Variants in CNOT6L observed in about 807,000 individuals in gnomAD.
The protein encoded by CNOT6L is CCR4-NOT transcription complex subunit 6-like.
CNOT6L carries 7 observed loss-of-function variants against 64.0 expected under a neutral mutation model. The ratio of observed to expected loss-of-function variants is 0.11; its 90% confidence interval spans 0.06 to 0.21. The LOEUF (loss-of-function observed/expected upper bound fraction) is 0.21. CNOT6L is among the 10% of genes least tolerant of loss of function. The probability of loss-of-function intolerance (pLI) is 1.00; values close to 1 mark genes in which losing one functional copy is unlikely to be tolerated. For missense variants in CNOT6L, 245 were observed against 669.0 expected (o/e 0.37, Z 6.99); for synonymous variants, 193 against 243.4 (o/e 0.79, Z 1.93).
chr4:77,728,524 G>A (rs1379903762), intron 10 of CNOT6L, among the ~76,000 whole-genome samples: 1 of 152,142 alleles, frequency 6.6e-6, no homozygotes, highest in African/African-American at 2.4e-5. Flanking sequence ...CTATTATGTG[G>A]CCCTTTCCTA....
chr4:77,792,725 T>TAA (rs77060039), intron 1 of CNOT6L, among the ~76,000 whole-genome samples: 1,402 of 124,046 alleles, frequency 0.011, 17 homozygotes, highest in Admixed American at 0.014. Context: ...GACTCTGCCT[T>TAA]AAAAAAAAAA....
intron 9 of CNOT6L, among the ~76,000 whole-genome samples, chr4:77,729,575 T>C (rs555505050): frequency 1.8e-4 from 27 of 152,278 alleles, no homozygotes; most frequent in African/African-American, 6.3e-4. Context: ...ATTCACACCA[T>C]ATACCGAAAT....
chr4:77,744,602 AAAC>A, intron 7 of CNOT6L, 113 bp downstream of exon 7: 2 of 856,036 alleles, frequency 2.3e-6, no homozygotes, highest in South Asian at 5.3e-5. Flanking sequence ...AGAGGAGAGA[AAAC>A]AATTCTTTTT....
chr4:77,795,029 T>C (rs1027513982), intron 1 of CNOT6L, among the ~76,000 whole-genome samples: 1 of 150,794 alleles, frequency 6.6e-6, no homozygotes, highest in African/African-American at 2.4e-5. Context: ...TTCTTTTTTT[T>C]TTTTTTTTTG....
At chr4:77,773,845 A>G (rs1460423940) in intron 3 of CNOT6L, among the ~76,000 whole-genome samples, 2 of 152,284 alleles carry the variant, frequency 1.3e-5, no homozygotes, top group African/African-American at 4.8e-5. Context: ...CATAAATAAG[A>G]TCTAACTTTA....
intron 4 of CNOT6L, among the ~76,000 whole-genome samples, chr4:77,758,975 G>C (rs1725866245): frequency 6.6e-6 from 1 of 151,866 alleles, no homozygotes; most frequent in African/African-American, 2.4e-5. Flanking sequence ...GGCTCACTAA[G>C]GCAGACCTAA....
chr4:77,797,670 A>T (rs1731024738), intron 1 of CNOT6L, among the ~76,000 whole-genome samples: 2 of 152,196 alleles, frequency 1.3e-5, no homozygotes, highest in South Asian at 4.1e-4. Flanking sequence ...CAATTTAATA[A>T]GGGAAGAAAA....
chr4:77,754,064 C>T (rs1725179436), intron 5 of CNOT6L, among the ~76,000 whole-genome samples: 1 of 152,016 alleles, frequency 6.6e-6, no homozygotes, highest in Admixed American at 6.6e-5. Flanking sequence ...CTAGTTAGTG[C>T]AGTAAGAGCA....
chr4:77,790,896 G>C lies in CNOT6L; in HGVS notation c.6-14504C>G, dbSNP rs886323771. 7.4e-5 allele frequency among the ~76,000 whole-genome samples: 11 copies of C among 149,494 alleles called. No homozygotes were observed. In the South Asian group the frequency reaches 2.3e-3, roughly 32 times the overall value. On this transcript the variant is annotated intron_variant, in intron 1 of 11. Transcript: ENST00000504123. ...GCTGGTCTCGAACACTCCTGACCTC[G>C]TGATCCACCCGCCTCGGCTTTCCAA... is the stretch of plus-strand genomic sequence containing the variant.
At chr4:77,807,795 A>G (rs1732427952) in intron 1 of CNOT6L, among the ~76,000 whole-genome samples, 1 of 152,236 alleles carries the variant, frequency 6.6e-6, no homozygotes, top group Non-Finnish European at 1.5e-5. Context: ...AAGATATCTT[A>G]GGAAGTACAC....
rs748641220 is a variant in CNOT6L at position 77,770,557 on chromosome 4, G to C, written c.400+2524C>G. On this transcript the variant is annotated intron_variant, in intron 4 of 11. Transcript: ENST00000504123. ...CTGGATCACCTTGGAAAGTGACACT[G>C]ACAAAAAACTAAATAGACTCTCAAA... 7.2e-5 allele frequency among the ~76,000 whole-genome samples: 11 copies of C among 152,222 alleles called. No homozygotes were observed. The South Asian group carries it at 1.0e-3, about 14-fold the overall frequency.
chr4:77,780,790 C>A (rs1011334424), intron 1 of CNOT6L, among the ~76,000 whole-genome samples: 1 of 152,216 alleles, frequency 6.6e-6, no homozygotes, highest in African/African-American at 2.4e-5. Context: ...CTGTAAAATA[C>A]TGACTTCATA....
chr4:77,745,827 A>T (rs985801074), intron 6 of CNOT6L, among the ~76,000 whole-genome samples: 3 of 152,220 alleles, frequency 2.0e-5, no homozygotes, highest in African/African-American at 4.8e-5. Flanking sequence ...AGAATCACTT[A>T]TTTAAATAAG....
In CNOT6L at chr4:77,776,397, T is replaced by TAA; in HGVS notation, c.6-6_6-5insTT. 1 of 1,372,004 alleles carries TAA rather than the reference T, an allele frequency of 7.3e-7. No individual in the cohort carries two copies. The allele number at this position is 1,372,004 out of a possible 1,614,324, so 85.0% of individuals were successfully genotyped here. The stretch of plus-strand genomic sequence containing the variant: ...TCCTTTGGCATCCCTATTAGTCTGT[T>TAA]TAAAAAAAAAAAGGAGGAGATCAAT... On this transcript the variant is annotated splice_region_variant and splice_polypyrimidine_tract_variant and intron_variant, in intron 1 of 11. Transcript: ENST00000504123.
intron 4 of CNOT6L, among the ~76,000 whole-genome samples, chr4:77,766,606 T>G (rs1335508526): frequency 6.6e-6 from 1 of 151,216 alleles, no homozygotes; most frequent in African/African-American, 2.4e-5. Context: ...CTCCAAAAAA[T>G]TTGCAGACAA....
At chr4:77,759,347 T>C (rs1163913065) in intron 4 of CNOT6L, among the ~76,000 whole-genome samples, 2 of 151,474 alleles carry the variant, frequency 1.3e-5, no homozygotes, top group African/African-American at 4.9e-5. Flanking sequence ...GGGTGGATCA[T>C]GAGGTCAGGA....
intron 4 of CNOT6L, among the ~76,000 whole-genome samples, chr4:77,766,583 A>T (rs1320929655): frequency 6.6e-6 from 1 of 151,976 alleles, no homozygotes; most frequent in Non-Finnish European, 1.5e-5. Context: ...TGAAATGATT[A>T]CTGCATGTAA....
intron 4 of CNOT6L, among the ~76,000 whole-genome samples, chr4:77,769,051 T>C (rs970717937): frequency 2.0e-5 from 3 of 152,162 alleles, no homozygotes; most frequent in African/African-American, 7.2e-5. Flanking sequence ...GAGTGAATTA[T>C]AGCATATTCA....
At chr4:77,732,978 G>A (rs141752239) in intron 8 of CNOT6L, among the ~76,000 whole-genome samples, 1 of 152,190 alleles carries the variant, frequency 6.6e-6, no homozygotes, top group African/African-American at 2.4e-5. Context: ...AGAAATGATG[G>A]TGGCTTGAAC....
Sources: gnomAD v4.1 joint callset for allele counts (sites outside exome capture counted in the v4.1 genomes callset) on GRCh38, gnomAD v4.1.1 for gene constraint, MANE v1.5 for transcripts, NCBI Gene and HGNC (gene_info 2026-07-23, HGNC 2026-07-21) for gene names.